Variants in RGS7 observed in about 807,000 individuals in gnomAD.
RGS7 encodes the protein regulator of G-protein signaling 7.
Under a neutral mutation model 81.1 loss-of-function variants are expected in RGS7, and 27 were observed. That is an observed-to-expected ratio of 0.33 (90% CI 0.25 to 0.46). The LOEUF is 0.46. Ranked by LOEUF, RGS7 falls within the 20% of genes least tolerant of loss-of-function variation. The pLI, the probability that RGS7 is intolerant of heterozygous loss-of-function variation, is 1.00. For synonymous variants in RGS7, 208 were observed against 207.7 expected, an observed-to-expected ratio of 1.00 and a Z score of -0.01; for missense variants, 396 against 607.4, an observed-to-expected ratio of 0.65 and a Z score of 3.66.
intron 3 of RGS7, among the ~76,000 whole-genome samples, chr1:241,021,753 C>A (rs900836838): frequency 2.0e-5 from 3 of 152,156 alleles, no homozygotes; most frequent in Admixed American, 2.0e-4. Context: ...TAATATACCA[C>A]TTTCGTACCT....
chr1:241,047,139 T>C (rs2060975882), intron 3 of RGS7, among the ~76,000 whole-genome samples: 1 of 152,174 alleles, frequency 6.6e-6, no homozygotes, highest in African/African-American at 2.4e-5. Flanking sequence ...GGAGATGTTA[T>C]ATAGACAACC....
At chr1:241,315,534 C>T (rs1446385459) in intron 2 of RGS7, among the ~76,000 whole-genome samples, 1 of 152,190 alleles carries the variant, frequency 6.6e-6, no homozygotes, top group Non-Finnish European at 1.5e-5. Context: ...TAGCTAAATA[C>T]ATTCCATAAA....
At chr1:241,106,535 G>C (rs924278137) in intron 2 of RGS7, among the ~76,000 whole-genome samples, 1 of 151,312 alleles carries the variant, frequency 6.6e-6, no homozygotes, top group Non-Finnish European at 1.5e-5. Context: ...CCAACATGGC[G>C]AAATTCTGTC....
intron 2 of RGS7, among the ~76,000 whole-genome samples, chr1:241,211,634 C>T (rs371431213): frequency 2.0e-4 from 31 of 152,220 alleles, no homozygotes; most frequent in African/African-American, 7.0e-4. Context: ...TTATAAAAAC[C>T]GGTCAAATCA....
rs566894204 is a variant in RGS7, at chr1:240,992,697, C to G, written c.176-9568G>C. Among the ~76,000 whole-genome samples the G allele has an allele frequency of 2.0e-5, 3 of 151,832 alleles. No individual in the cohort carries two copies. The South Asian group carries it at 6.2e-4, about 32-fold the overall frequency. ...TGCTGTGACAAAATATTGAAAATACCAATTAATGATGCCATTTTTGGGGTT... is the reference window on the plus strand; with the variant it reads ...TGCTGTGACAAAATATTGAAAATACGAATTAATGATGCCATTTTTGGGGTT... On this transcript the variant is annotated intron_variant, in intron 3 of 18. Transcript: ENST00000440928.
rs1251507157 is a variant in RGS7, at chr1:241,322,823, A to G, written c.78+32876T>C. On this transcript the variant is annotated intron_variant, in intron 2 of 18. Transcript: ENST00000440928. ...CACCAATAGCCTTACCTTTTCCACAAGATTTTTTTTAACAAAATGTAAAAT... is the reference window on the plus strand; with the variant it reads ...CACCAATAGCCTTACCTTTTCCACAGGATTTTTTTTAACAAAATGTAAAAT... Among the ~76,000 whole-genome samples, 3 of 152,242 alleles carry G rather than the reference A, an allele frequency of 2.0e-5. No individual in the cohort carries two copies. The East Asian group carries it at 5.8e-4, about 29-fold the overall frequency.
intron 2 of RGS7, among the ~76,000 whole-genome samples, chr1:241,274,082 T>C (rs978311088): frequency 6.6e-6 from 1 of 152,228 alleles, no homozygotes; most frequent in African/African-American, 2.4e-5. Flanking sequence ...TAATTGTCTC[T>C]TTTTGCATAC....
At chr1:240,894,446 T>C (rs1177939862) in intron 6 of RGS7, among the ~76,000 whole-genome samples, 4 of 152,142 alleles carry the variant, frequency 2.6e-5, no homozygotes, top group South Asian at 2.1e-4. Context: ...TCTAACATCC[T>C]TTACTCTATG....
intron 2 of RGS7, among the ~76,000 whole-genome samples, chr1:241,254,061 G>A (rs945171375): frequency 2.0e-5 from 3 of 152,088 alleles, no homozygotes; most frequent in African/African-American, 4.8e-5. Context: ...TTAGTTGGAT[G>A]TAGTGGTGGG....
At chr1:241,199,698 A>AG (rs1336772900) in intron 2 of RGS7, among the ~76,000 whole-genome samples, 14 of 151,628 alleles carry the variant, frequency 9.2e-5, no homozygotes, top group East Asian at 1.9e-4. Context: ...AAAAAAAAAA[A>AG]AGAGAAAGGA....
At chr1:241,089,061 CTCTATATATATA>C (rs1249244354) in intron 3 of RGS7, among the ~76,000 whole-genome samples, 53 of 36,900 alleles carry the variant, frequency 1.4e-3, no homozygotes, top group Middle Eastern at 0.011. Flanking sequence ...CTCTCTCTCT[CTCTATATATATA>C]TATATATATA....
chr1:240,823,739 A>G (rs1692257621), intron 10 of RGS7, among the ~76,000 whole-genome samples: 1 of 152,056 alleles, frequency 6.6e-6, no homozygotes, highest in African/African-American at 2.4e-5. Flanking sequence ...CCCCCATGAG[A>G]TTTTGAACTC....
intron 6 of RGS7, among the ~76,000 whole-genome samples, chr1:240,870,995 A>G (rs1409575115): frequency 6.6e-6 from 1 of 152,162 alleles, no homozygotes; most frequent in Non-Finnish European, 1.5e-5. Flanking sequence ...GCTACCATGG[A>G]AAGTCCATCT....
chr1:241,290,033 C>G (rs1417815046), intron 2 of RGS7, among the ~76,000 whole-genome samples: 1 of 152,220 alleles, frequency 6.6e-6, no homozygotes, highest in East Asian at 1.9e-4. Flanking sequence ...AAGGCTAAAG[C>G]AGTACTACAC....
At chr1:241,227,811 A>G (rs1240034148) in intron 2 of RGS7, among the ~76,000 whole-genome samples, 1 of 152,128 alleles carries the variant, frequency 6.6e-6, no homozygotes, top group Admixed American at 6.5e-5. Context: ...GGAATATTCT[A>G]TTTGGCTGGG....
At chr1:241,137,460 A>G (rs536108769) in intron 2 of RGS7, among the ~76,000 whole-genome samples, 3 of 152,316 alleles carry the variant, frequency 2.0e-5, no homozygotes, top group Admixed American at 2.0e-4. Context: ...GGGAATATAA[A>G]TATGTAAGCG....
chr1:241,041,820 G>C (rs536772041), intron 3 of RGS7, among the ~76,000 whole-genome samples: 1 of 151,650 alleles, frequency 6.6e-6, no homozygotes, highest in Non-Finnish European at 1.5e-5. Flanking sequence ...AACTAACTCA[G>C]TACTACCTTT....
At chr1:240,853,765 G>A (rs1471401610) in intron 9 of RGS7, among the ~76,000 whole-genome samples, 1 of 151,772 alleles carries the variant, frequency 6.6e-6, no homozygotes, top group Non-Finnish European at 1.5e-5. Context: ...AGCCGGGCGT[G>A]GTGCGGGCAC....
chr1:240,832,664 G>A (rs190801621), intron 9 of RGS7, among the ~76,000 whole-genome samples: 66 of 152,308 alleles, frequency 4.3e-4, no homozygotes, highest in African/African-American at 1.5e-3. Context: ...CAAAGCCTGT[G>A]GTGAAGAGCG....
Sources: gnomAD v4.1 joint callset for allele counts (sites outside exome capture counted in the v4.1 genomes callset) on GRCh38, gnomAD v4.1.1 for gene constraint, MANE v1.5 for transcripts, NCBI Gene and HGNC (gene_info 2026-07-23, HGNC 2026-07-21) for gene names.